The following ETFBKMT variants were observed in gnomAD, a reference collection of about 807,000 sequenced individuals.
ETFBKMT encodes electron transfer flavoprotein subunit beta lysine methyltransferase.
ETFBKMT carries 13 observed loss-of-function variants against 18.3 expected under a neutral mutation model. That is an observed-to-expected ratio of 0.71 (90% CI 0.46 to 1.13). The LOEUF (loss-of-function observed/expected upper bound fraction) is 1.13. Ranked by LOEUF, ETFBKMT falls within the 50% of genes most tolerant of loss-of-function variation. The pLI is 0.00. For synonymous variants in ETFBKMT, 84 were observed against 107.9 expected (o/e 0.78, Z 1.37); for missense variants, 293 against 306.2 (o/e 0.96, Z 0.32).
chr12:31,649,151 C>G (rs965961786), intron 1 of ETFBKMT, among the ~76,000 whole-genome samples: 1 of 152,060 alleles, frequency 6.6e-6, no homozygotes, highest in Admixed American at 6.5e-5. Context: ...GGGGTTTCAC[C>G]GTGTTGCCCA....
chr12:31,664,561 G>A (rs74085131), intron 2 of ETFBKMT, among the ~76,000 whole-genome samples: 4 of 151,586 alleles, frequency 2.6e-5, no homozygotes, highest in Non-Finnish European at 5.9e-5. Context: ...TTTGTGGCCT[G>A]TGCTCTTCTA....
rs1951195121 is a variant in ETFBKMT at position 31,666,263 on chromosome 12, T to TC, written c.445+47dup. 4 of 1,570,770 alleles carry TC rather than the reference T, an allele frequency of 2.5e-6. No homozygotes were observed. The African/African-American group carries it at 4.1e-5, about 16-fold the overall frequency. On this transcript the variant is annotated intron_variant, in intron 3 of 3. Transcript: ENST00000357721. ...ATATTTAAGGCTCATCTTTTTTTTT[T>TC]CTCTGGGATAAATATGTACACATGC...
chr12:31,652,249 T>C (rs1450265459), intron 1 of ETFBKMT, among the ~76,000 whole-genome samples: 1 of 152,156 alleles, frequency 6.6e-6, no homozygotes, highest in Admixed American at 6.5e-5. Flanking sequence ...CTGTTTCTCT[T>C]TCCCTTCTCT....
upstream of ETFBKMT, among the ~76,000 whole-genome samples, chr12:31,656,005 A>G (rs1274208715): frequency 6.6e-6 from 1 of 152,226 alleles, no homozygotes; most frequent in Non-Finnish European, 1.5e-5. Context: ...TAAATTTTTT[A>G]AATGAGATAC....
intron 1 of ETFBKMT, among the ~76,000 whole-genome samples, chr12:31,653,972 T>C (rs948626744): frequency 6.6e-6 from 1 of 151,856 alleles, no homozygotes. Context: ...AGACAAATAA[T>C]AGCAAGTGTT....
At chr12:31,661,694 C>T (rs1019009286) in intron 1 of ETFBKMT, 147 bp from the exon 2 acceptor site, 15 of 377,916 alleles carry the variant, frequency 4.0e-5, no homozygotes, top group African/African-American at 6.1e-5. Flanking sequence ...CACCTGACCT[C>T]GTGATCCACC....
upstream of ETFBKMT, among the ~76,000 whole-genome samples, chr12:31,658,240 T>C (rs1003317332): frequency 4.6e-5 from 7 of 152,188 alleles, no homozygotes; most frequent in African/African-American, 1.4e-4. Flanking sequence ...GAGTGTGTGG[T>C]AATGAAAAGT....
chr12:31,651,949 G>A (rs1378644252), intron 1 of ETFBKMT, among the ~76,000 whole-genome samples: 3 of 152,216 alleles, frequency 2.0e-5, no homozygotes, highest in Admixed American at 2.0e-4. Context: ...GAACTTCGGA[G>A]TACACATGTT....
At chr12:31,665,534 C>A (rs1358259385) in intron 2 of ETFBKMT, among the ~76,000 whole-genome samples, 1 of 152,028 alleles carries the variant, frequency 6.6e-6, no homozygotes, top group African/African-American at 2.4e-5. Flanking sequence ...TTTGCTGAGA[C>A]CAGCTCGGCT....
chr12:31,651,072 T>C (rs921722304), intron 1 of ETFBKMT, among the ~76,000 whole-genome samples: 3 of 152,184 alleles, frequency 2.0e-5, no homozygotes, highest in East Asian at 3.9e-4. Context: ...GGAGAACAAC[T>C]TAAGTATGAT....
chr12:31,659,165 C>G (rs565870496), upstream of ETFBKMT: 1 of 152,212 alleles, frequency 6.6e-6, no homozygotes, highest in Non-Finnish European at 1.5e-5. Context: ...AGAAAGAAAG[C>G]GCTGCTGGGA....
intron 1 of ETFBKMT, among the ~76,000 whole-genome samples, chr12:31,648,472 C>G (rs1487047808): frequency 4.6e-5 from 7 of 150,924 alleles, no homozygotes; most frequent in African/African-American, 1.7e-4. Context: ...AGCGATTCTC[C>G]TGCCTCAGCC....
At chr12:31,651,699 G>A (rs1194033517) in intron 1 of ETFBKMT, among the ~76,000 whole-genome samples, 3 of 152,074 alleles carry the variant, frequency 2.0e-5, no homozygotes, top group African/African-American at 7.2e-5. Flanking sequence ...ATGCTACAAT[G>A]GACCTATACA....
chr12:31,648,562 T>TC (rs1950987645), intron 1 of ETFBKMT, among the ~76,000 whole-genome samples: 1 of 100,152 alleles, frequency 1.0e-5, no homozygotes, highest in Non-Finnish European at 2.5e-5. Context: ...GGTTTCTTTT[T>TC]TTTTTTTTTT....
At position 31,667,882 on chromosome 12, in the gene ETFBKMT, C is replaced by G; in HGVS notation, c.681C>G (p.His227Gln). 1 of 1,614,164 alleles carries G rather than the reference C, an allele frequency of 6.2e-7. No individual in the cohort carries two copies. The highest frequency in any genetic ancestry group is 1.1e-5 in the South Asian group (1 of 91,088). ...CTGGGCGGCCCCAGTTCAGTGGACA[C>G]AGCATTCAGCATCACCTGCACAAAG... is the stretch of plus-strand genomic sequence containing the variant. Reference protein sequence around the residue: ...GDPGRPQFSGHSIQHHLHKVV... With the variant: ...GDPGRPQFSGQSIQHHLHKVV... The change falls in exon 4 of 4, where the codon CAC becomes CAG. Residue 227 changes from histidine (H) to glutamine (Q), a missense_variant. By Grantham distance (24) the His-to-Gln change is conservative. Coordinates refer to ENST00000357721, the MANE Select transcript of ETFBKMT (RefSeq NM_001135863.2).
chr12:31,662,060 G>A lies in ETFBKMT; in HGVS notation c.107G>A (p.Trp36Ter). ...LLLFPCGQCP[W>*]RGAGSFLDPE... ...TTGTTTCCCTGTGGCCAGTGTCCCT[G>A]GAGAGGAGCTGGAAGCTTTTTGGAC... Residue 36 changes from tryptophan (W) to a stop codon, truncating the protein, a stop_gained, in exon 2 of 4, where the codon TGG becomes TAG. Coordinates refer to ENST00000357721, the MANE Select transcript of ETFBKMT (RefSeq NM_001135863.2). LOFTEE classifies it high-confidence loss of function. The A allele has an allele frequency of 6.2e-7, 1 of 1,614,224 alleles. No individual in the cohort carries two copies. The highest frequency in any genetic ancestry group is 8.5e-7 in the Non-Finnish European group (1 of 1,180,046).
rs375155943 is a variant in ETFBKMT at position 31,672,300 on chromosome 12, A to G, written c.*4310A>G. The G allele has an allele frequency of 2.6e-6, 4 of 1,566,970 alleles. No homozygotes were observed. The South Asian group carries it at 3.5e-5, about 14-fold the overall frequency. On this transcript the variant is annotated 3_prime_UTR_variant, in exon 4 of 4. Coordinates refer to ENST00000357721, the MANE Select transcript of ETFBKMT (RefSeq NM_001135863.2). ...TCCTAGCATTGATCATCTTCAAAAA[A>G]GCATCAATAAACAGTCCATGTCACT...
chr12:31,657,444 C>A (rs961640522), upstream of ETFBKMT, among the ~76,000 whole-genome samples: 2 of 152,108 alleles, frequency 1.3e-5, no homozygotes, highest in Non-Finnish European at 2.9e-5. Context: ...AAGGGCAGGC[C>A]TTTTCTAGAC....
upstream of ETFBKMT, among the ~76,000 whole-genome samples, chr12:31,659,035 G>A (rs879445424): frequency 6.6e-6 from 1 of 150,560 alleles, no homozygotes; most frequent in Non-Finnish European, 1.5e-5. Flanking sequence ...GTTTCAGAAT[G>A]AACTTTTTAG....
Sources: gnomAD v4.1 joint callset for allele counts (sites outside exome capture counted in the v4.1 genomes callset) on GRCh38, gnomAD v4.1.1 for gene constraint, MANE v1.5 for transcripts, NCBI Gene and HGNC (gene_info 2026-07-23, HGNC 2026-07-21) for gene names.